The following KDM5B variants were observed in gnomAD, a reference collection of about 807,000 sequenced individuals.
KDM5B encodes the protein lysine-specific demethylase 5B.
KDM5B carries 144 observed loss-of-function variants against 193.4 expected under a neutral mutation model. The ratio of observed to expected loss-of-function variants is 0.74; its 90% CI spans 0.65 to 0.86. The LOEUF (loss-of-function observed/expected upper bound fraction) is 0.86, where lower values mean the gene tolerates loss of function less well. Ranked by LOEUF, KDM5B falls within the 40% of genes least tolerant of loss-of-function variation. The pLI, the probability that KDM5B is intolerant of heterozygous loss-of-function variation, is 0.00. For synonymous variants in KDM5B, 668 were observed against 682.6 expected (o/e 0.98, Z 0.33); for missense variants, 1,833 against 1,886.9 (o/e 0.97, Z 0.53).
At position 202,742,377 on chromosome 1, in the gene KDM5B, C is replaced by T. The variant is rs1655378449; in HGVS notation, c.2589+14G>A. 1 of 1,554,546 alleles carries T rather than the reference C, an allele frequency of 6.4e-7. No homozygotes were observed. Among genetic ancestry groups the T allele is most frequent in the Non-Finnish European group, 8.9e-7 (1 of 1,126,178 alleles). On this transcript the variant is annotated intron_variant, in intron 18 of 26. Coordinates refer to ENST00000367265, the MANE Select transcript of KDM5B (RefSeq NM_006618.5). Reference sequence around the variant, plus strand: ...ATTACCAAAGTATTCTCCCACACATCCCTCTATGGTTACCTTTAGTAATGG... The same window carrying T: ...ATTACCAAAGTATTCTCCCACACATTCCTCTATGGTTACCTTTAGTAATGG...
chr1:202,766,364 G>T (rs1393579247), intron 5 of KDM5B: 9 of 319,144 alleles, frequency 2.8e-5, no homozygotes, highest in Non-Finnish European at 5.5e-5. Flanking sequence ...AAATTAGCCG[G>T]GCGTGGTGGC....
At chr1:202,790,181 C>G (rs1325419732) in intron 1 of KDM5B, among the ~76,000 whole-genome samples, 1 of 151,976 alleles carries the variant, frequency 6.6e-6, no homozygotes, top group African/African-American at 2.4e-5. Flanking sequence ...AGGAGAATCT[C>G]AAACTCGGGA....
At chr1:202,794,799 A>G (rs980295584) in intron 1 of KDM5B, among the ~76,000 whole-genome samples, 1 of 152,244 alleles carries the variant, frequency 6.6e-6, no homozygotes, top group African/African-American at 2.4e-5. Context: ...TGGATAGCAA[A>G]TACTAAACCC....
At position 202,808,160 on chromosome 1, in the gene KDM5B, A is replaced by G; in HGVS notation, c.146T>C (p.Ile49Thr). 1 of 1,613,112 alleles carries G rather than the reference A, an allele frequency of 6.2e-7. No individual in the cohort carries two copies. The highest frequency in any genetic ancestry group is 8.5e-7 in the Non-Finnish European group (1 of 1,179,546). The change falls in exon 1 of 27, where the codon ATC becomes ACC. Residue 49 changes from isoleucine (I) to threonine (T), a missense_variant. Ile to Thr is a moderately conservative substitution (Grantham distance 89). This residue lies in a region of KDM5B where 355 missense variants were observed against 374.9 expected (regional missense o/e 0.95). Transcript: ENST00000367265. ...CTCGGCTATGGGCCGGATCTTGTGG[A>G]TGAAAGCGAAGGGGTCCGCGAACTC... ...WEEFADPFAF[I>T]HKIRPIAEQT...
intron 12 of KDM5B, among the ~76,000 whole-genome samples, chr1:202,751,696 C>T (rs1286715814): frequency 6.6e-6 from 1 of 152,152 alleles, no homozygotes; most frequent in Non-Finnish European, 1.5e-5. Flanking sequence ...ACCACACCAC[C>T]CTTGTATTAT....
intron 1 of KDM5B, among the ~76,000 whole-genome samples, chr1:202,786,651 C>A (rs982174500): frequency 6.6e-6 from 1 of 152,212 alleles, no homozygotes; most frequent in African/African-American, 2.4e-5. Context: ...CTATACAAAA[C>A]TTCTTGACTG....
At chr1:202,753,160 A>G (rs933854088) in intron 11 of KDM5B, 93 bp from the exon 12 acceptor site, 33 of 1,096,298 alleles carry the variant, frequency 3.0e-5, no homozygotes, top group Middle Eastern at 2.7e-4. Context: ...GCTTTGTAAG[A>G]CTACGCAAAA....
At chr1:202,748,035 C>T (rs1274718715) in intron 14 of KDM5B, among the ~76,000 whole-genome samples, 1 of 152,008 alleles carries the variant, frequency 6.6e-6, no homozygotes, top group Non-Finnish European at 1.5e-5. Context: ...ATAATCAAGA[C>T]CATTTAGTAT....
In KDM5B at chr1:202,751,829, G is replaced by C. The variant is rs368719311; in HGVS notation, c.1702-1051C>G. Among the ~76,000 whole-genome samples the C allele has an allele frequency of 1.1e-4, 17 of 151,976 alleles. 1 individual carries two copies. Among genetic ancestry groups the C allele is most frequent in the Admixed American group, 6.6e-4 (10 of 15,258 alleles). ...GTTTGCTCAATTATTAAAGAACCAG[G>C]GTCAGGTCTCAATTAAAGCAATCTA... On this transcript the variant is annotated intron_variant, in intron 12 of 26. Coordinates refer to ENST00000367265, the MANE Select transcript of KDM5B (RefSeq NM_006618.5).
chr1:202,749,165 A>C, intron 13 of KDM5B, 26 bp from the exon 14 acceptor site: 1 of 1,586,702 alleles, frequency 6.3e-7, no homozygotes. Flanking sequence ...GAAAGAAAAA[A>C]ATAACATTCA....
At chr1:202,771,698 CAGCCTCCCA>C (rs1304526048) in intron 4 of KDM5B, among the ~76,000 whole-genome samples, 1 of 152,112 alleles carries the variant, frequency 6.6e-6, no homozygotes, top group Non-Finnish European at 1.5e-5. Flanking sequence ...TCTCCTGCCC[CAGCCTCCCA>C]AGTAGCTGGG....
rs779286259 is a variant in KDM5B at position 202,742,384 on chromosome 1, T to C, written c.2589+7A>G. 3.6e-5 allele frequency: 57 copies of C among 1,591,550 alleles called. No homozygotes were observed. The South Asian group carries it at 6.1e-4, about 17-fold the overall frequency. ...AAGTATTCTCCCACACATCCCTCTA[T>C]GGTTACCTTTAGTAATGGTGTCTGA... On this transcript the variant is annotated splice_region_variant and intron_variant, in intron 18 of 26. Coordinates refer to ENST00000367265, the MANE Select transcript of KDM5B (RefSeq NM_006618.5).
chr1:202,760,297 CA>C, intron 8 of KDM5B, 117 bp downstream of exon 8: 1 of 713,784 alleles, frequency 1.4e-6, no homozygotes. Context: ...GCCTGGGCAA[CA>C]AAGTGAGTCC....
At position 202,749,154 on chromosome 1, in the gene KDM5B, G is replaced by A. The variant is rs775281720; in HGVS notation, c.1822-15C>T. 47 of 1,592,050 alleles carry A rather than the reference G, an allele frequency of 3.0e-5. No individual in the cohort carries two copies. Among genetic ancestry groups the A allele is most frequent in the Admixed American group, 2.6e-4 (14 of 54,546 alleles). ...CCTAATGGCAGCTGTATCAAAACAC[G>A]GAAAGAAAAAAATAACATTCATCTT... On this transcript the variant is annotated splice_polypyrimidine_tract_variant and intron_variant, in intron 13 of 26. Coordinates refer to ENST00000367265, the MANE Select transcript of KDM5B (RefSeq NM_006618.5).
chr1:202,734,499 C>T (rs1213815005), intron 22 of KDM5B, among the ~76,000 whole-genome samples: 2 of 151,976 alleles, frequency 1.3e-5, no homozygotes, highest in African/African-American at 2.4e-5. Context: ...ACAGATAATA[C>T]GTAGGGAGAA....
intron 1 of KDM5B, among the ~76,000 whole-genome samples, chr1:202,805,488 G>A (rs1026225957): frequency 6.6e-6 from 1 of 152,110 alleles, no homozygotes; most frequent in Admixed American, 6.5e-5. Context: ...AGAACAAAAG[G>A]AGACAGAAAT....
chr1:202,759,746 T>A (rs780224513), intron 8 of KDM5B, among the ~76,000 whole-genome samples: 1 of 152,192 alleles, frequency 6.6e-6, no homozygotes, highest in Non-Finnish European at 1.5e-5. Context: ...AAAGTCTGGA[T>A]GAATATACAC....
intron 1 of KDM5B, among the ~76,000 whole-genome samples, chr1:202,792,560 G>A (rs1657682999): frequency 6.6e-6 from 1 of 152,128 alleles, no homozygotes; most frequent in South Asian, 2.1e-4. Flanking sequence ...ATATGAATGG[G>A]CTAAGTTCAA....
At chr1:202,791,410 A>G (rs947712700) in intron 1 of KDM5B, among the ~76,000 whole-genome samples, 1 of 152,228 alleles carries the variant, frequency 6.6e-6, no homozygotes, top group African/African-American at 2.4e-5. Flanking sequence ...AATACTAACA[A>G]TGAACTTACT....
Sources: allele counts gnomAD v4.1 joint callset (sites outside exome capture counted in the v4.1 genomes callset), GRCh38; gene constraint gnomAD v4.1.1; regional missense constraint gnomAD v4.1.1; transcripts MANE v1.5; gene names NCBI Gene and HGNC (gene_info 2026-07-23, HGNC 2026-07-21).